Variants in GABRB1 observed in about 807,000 individuals in gnomAD.
GABRB1 encodes gamma-aminobutyric acid type A receptor subunit beta1.
Under a neutral mutation model 51.6 loss-of-function variants are expected in GABRB1, and 17 were observed. That is an observed-to-expected ratio of 0.33 (90% CI 0.23 to 0.49). The LOEUF is 0.49. Among genes scored for constraint, GABRB1 ranks in the 20% least tolerant of loss-of-function variants. The pLI, the probability that GABRB1 is intolerant of heterozygous loss-of-function variation, is 0.99. For missense variants in GABRB1, 410 were observed against 600.6 expected (o/e 0.68, Z 3.32); for synonymous variants, 247 against 218.9 (o/e 1.13, Z -1.14).
intron 3 of GABRB1, among the ~76,000 whole-genome samples, chr4:47,106,729 GCCTCCCATCTC>G (rs2109618396): frequency 6.6e-6 from 1 of 152,048 alleles, no homozygotes; most frequent in South Asian, 2.1e-4. Flanking sequence ...TTACTCAGAA[GCCTCCCATCTC>G]TTTCCGAGGT....
chr4:47,185,616 A>G (rs776307933), intron 4 of GABRB1, among the ~76,000 whole-genome samples: 4 of 151,862 alleles, frequency 2.6e-5, no homozygotes, highest in African/African-American at 9.7e-5. Flanking sequence ...ATTCAAAACT[A>G]TACTTGAACT....
chr4:47,153,963 A>G (rs1717572984), intron 3 of GABRB1, among the ~76,000 whole-genome samples: 1 of 152,066 alleles, frequency 6.6e-6, no homozygotes, highest in Non-Finnish European at 1.5e-5. Context: ...TTTTAAAGGT[A>G]TTATAACAAA....
intron 4 of GABRB1, among the ~76,000 whole-genome samples, chr4:47,228,591 C>A (rs1442109): frequency 6.6e-6 from 1 of 151,834 alleles, no homozygotes; most frequent in African/African-American, 2.4e-5. Context: ...ATGTCTATCA[C>A]TCATCTTCTG....
intron 4 of GABRB1, among the ~76,000 whole-genome samples, chr4:47,200,850 T>C (rs529225935): frequency 1.3e-5 from 2 of 152,290 alleles, no homozygotes; most frequent in African/African-American, 2.4e-5. Context: ...TTGCATAATA[T>C]AGTGTACATA....
At chr4:47,065,792 A>C (rs935224488) in intron 3 of GABRB1, among the ~76,000 whole-genome samples, 8 of 152,244 alleles carry the variant, frequency 5.3e-5, no homozygotes, top group Non-Finnish European at 2.9e-5. Flanking sequence ...CCATAAAGGA[A>C]TGAAGCCATT....
intron 3 of GABRB1, among the ~76,000 whole-genome samples, chr4:47,127,886 T>A (rs1716230313): frequency 6.6e-6 from 1 of 151,714 alleles, no homozygotes; most frequent in Admixed American, 6.6e-5. Context: ...AGTAATCCAA[T>A]AGTGGACATA....
intron 1 of GABRB1, among the ~76,000 whole-genome samples, chr4:47,015,211 G>T (rs552160732): frequency 1.3e-5 from 2 of 152,184 alleles, no homozygotes; most frequent in Non-Finnish European, 2.9e-5. Context: ...TGGCCTAGTA[G>T]CCATATTTAT....
chr4:47,239,132 G>C (rs1223473583), intron 4 of GABRB1, among the ~76,000 whole-genome samples: 1 of 152,120 alleles, frequency 6.6e-6, no homozygotes, highest in East Asian at 1.9e-4. Context: ...GATATTAAAT[G>C]TTCAGCTTGA....
In GABRB1 at chr4:47,057,809, C is replaced by T. The variant is rs116605512; in HGVS notation, c.240+25325C>T. Among the ~76,000 whole-genome samples, 1,323 of 152,222 alleles carry T rather than the reference C, an allele frequency of 8.7e-3. 14 individuals are homozygous for T. Among genetic ancestry groups the T allele is most frequent in the African/African-American group, 0.028 (1,180 of 41,514 alleles). On this transcript the variant is annotated intron_variant, in intron 3 of 8. Transcript: ENST00000295454. ...GCCTAACCCAGCAAAATCCAATCAC[C>T]GACATGGAATAGTCACTAGTGTTGA...
intron 8 of GABRB1, among the ~76,000 whole-genome samples, chr4:47,412,285 T>TAGAA (rs1193644993): frequency 6.6e-6 from 1 of 152,218 alleles, no homozygotes; most frequent in African/African-American, 2.4e-5. Context: ...TAAGTACTTG[T>TAGAA]TGAATGAATG....
intron 4 of GABRB1, among the ~76,000 whole-genome samples, chr4:47,264,545 G>A (rs551566969): frequency 2.6e-5 from 4 of 152,178 alleles, no homozygotes; most frequent in African/African-American, 4.8e-5. Flanking sequence ...AAACTGAAAC[G>A]CTTCACAGTT....
intron 4 of GABRB1, among the ~76,000 whole-genome samples, chr4:47,315,988 A>G (rs965075923): frequency 5.9e-5 from 9 of 151,810 alleles, no homozygotes; most frequent in African/African-American, 2.2e-4. Flanking sequence ...TCCCTGTAAC[A>G]TGCAATTTAC....
chr4:47,273,453 C>T (rs1007348673), intron 4 of GABRB1, among the ~76,000 whole-genome samples: 1 of 152,012 alleles, frequency 6.6e-6, no homozygotes, highest in East Asian at 1.9e-4. Flanking sequence ...TGATTTACCC[C>T]CACACCAAGG....
chr4:47,203,096 A>G lies in GABRB1; in HGVS notation c.461+41627A>G, dbSNP rs557025036. 3.3e-5 allele frequency among the ~76,000 whole-genome samples: 5 copies of G among 152,300 alleles called. No homozygotes were observed. The East Asian group carries it at 9.7e-4, about 29-fold the overall frequency. ...GTGCTGGCCCTGTAGGCATTTAAGT[A>G]TGTCAGCACACAGTCACTCCTCTGT... On this transcript the variant is annotated intron_variant, in intron 4 of 8. Coordinates refer to ENST00000295454, the MANE Select transcript of GABRB1 (RefSeq NM_000812.4).
At chr4:47,301,702 C>G (rs375775341) in intron 4 of GABRB1, among the ~76,000 whole-genome samples, 15 of 151,632 alleles carry the variant, frequency 9.9e-5, no homozygotes, top group African/African-American at 3.6e-4. Flanking sequence ...ACAGCTCATT[C>G]AAAGGAGAAT....
chr4:47,353,614 C>G (rs890447101), intron 5 of GABRB1, among the ~76,000 whole-genome samples: 2 of 152,146 alleles, frequency 1.3e-5, no homozygotes, highest in African/African-American at 4.8e-5. Flanking sequence ...GAATGAATAC[C>G]TATCTTGAAA....
intron 4 of GABRB1, among the ~76,000 whole-genome samples, chr4:47,201,240 C>G (rs1293252314): frequency 1.3e-5 from 2 of 151,964 alleles, no homozygotes; most frequent in African/African-American, 4.8e-5. Flanking sequence ...GGAATATACC[C>G]AACAGCATTT....
At chr4:47,282,563 TA>T (rs200167956) in intron 4 of GABRB1, among the ~76,000 whole-genome samples, 26 of 147,466 alleles carry the variant, frequency 1.8e-4, no homozygotes, top group African/African-American at 4.0e-4. Context: ...CAACTAAGCA[TA>T]AAAAAAAAAC....
intron 5 of GABRB1, among the ~76,000 whole-genome samples, chr4:47,340,407 T>C (rs983660632): frequency 6.6e-6 from 1 of 152,086 alleles, no homozygotes; most frequent in African/African-American, 2.4e-5. Flanking sequence ...GCTGTCTTAG[T>C]CCATTTGCGC....
Sources: gnomAD v4.1 joint callset for allele counts (sites outside exome capture counted in the v4.1 genomes callset) on GRCh38, gnomAD v4.1.1 for gene constraint, MANE v1.5 for transcripts, NCBI Gene and HGNC (gene_info 2026-07-23, HGNC 2026-07-21) for gene names.